ADAM7: variants seen among roughly 807,000 people sequenced by gnomAD.
The protein encoded by ADAM7 is disintegrin and metalloproteinase domain-containing protein 7.
A neutral mutation model predicts 102.9 loss-of-function variants in ADAM7; 97 were observed. The ratio of observed to expected loss-of-function variants is 0.94; its 90% CI spans 0.80 to 1.12. The LOEUF is 1.12. ADAM7 is among the 50% of genes most tolerant of loss of function. The pLI, the probability that ADAM7 is intolerant of heterozygous loss-of-function variation, is 0.00. For missense variants in ADAM7, 991 were observed against 908.7 expected (o/e 1.09, Z -1.16); for synonymous variants, 334 against 304.4 (o/e 1.10, Z -1.01).
chr8:24,500,128 A>G, intron 17 of ADAM7, 50 bp from the exon 18 acceptor site: 1 of 1,520,064 alleles, frequency 6.6e-7, no homozygotes, highest in Non-Finnish European at 9.0e-7. Context: ...GAGTTGCAGA[A>G]CACAACTTAT....
At chr8:24,491,447 T>C (rs1820349641) in intron 13 of ADAM7, among the ~76,000 whole-genome samples, 1 of 152,310 alleles carries the variant, frequency 6.6e-6, no homozygotes, top group African/African-American at 2.4e-5. Context: ...TGAGAGAATA[T>C]CTCTATGCAG....
chr8:24,468,912 A>AG lies in ADAM7; in HGVS notation c.633+93dup, dbSNP rs1819517255. ...ATAGAGAGAAAGGTATTCTAATCAG[A>AG]GTTCTATTCTAGGCTCAAAGTCCTA... On this transcript the variant is annotated intron_variant, in intron 7 of 21. Coordinates refer to ENST00000175238, the MANE Select transcript of ADAM7 (RefSeq NM_003817.4). 3.3e-6 allele frequency: 4 copies of AG among 1,219,090 alleles called. No individual in the cohort carries two copies. The African/African-American group carries it at 4.5e-5, about 14-fold the overall frequency. The allele number at this position is 1,219,090 out of a possible 1,614,324, so 75.5% of individuals were successfully genotyped here.
Position 24,487,311 on chromosome 8 carries a change from A to C in ADAM7, c.1085A>C (p.Asp362Ala). 2 of 1,613,634 alleles carry C rather than the reference A, an allele frequency of 1.2e-6. No homozygotes were observed. Among genetic ancestry groups the C allele is most frequent in the Non-Finnish European group, 1.7e-6 (2 of 1,179,724 alleles). The change falls in exon 11 of 22, where the codon GAT (aspartate) becomes GCT (alanine). Residue 362 changes from aspartate to alanine, a missense_variant. Transcript: ENST00000175238. ...TCAGGAAAATGCGTGATGGACAGTG[A>C]TGGAAGGTGAGATTCGAACAATGTA... Reference protein sequence around the residue: ...CPSGKCVMDSDGSIPALKFSK... With the variant: ...CPSGKCVMDSAGSIPALKFSK...
intron 1 of ADAM7, among the ~76,000 whole-genome samples, chr8:24,442,042 T>C (rs1410718080): frequency 1.3e-5 from 2 of 151,984 alleles, no homozygotes; most frequent in African/African-American, 2.4e-5. Context: ...GGCATGGTGG[T>C]GTGCACTTGT....
At chr8:24,474,525 T>C (rs1169031388) in intron 7 of ADAM7, among the ~76,000 whole-genome samples, 2 of 152,080 alleles carry the variant, frequency 1.3e-5, no homozygotes, top group African/African-American at 4.8e-5. Context: ...CCATTTTCAT[T>C]AGACAAATAG....
chr8:24,493,467 A>G (rs1243907514), intron 16 of ADAM7, among the ~76,000 whole-genome samples: 3 of 130,634 alleles, frequency 2.3e-5, no homozygotes, highest in African/African-American at 6.6e-5. Context: ...AGTAAAACTT[A>G]CAGCAGATAT....
chr8:24,507,409 G>A, intron 20 of ADAM7, 71 bp from the exon 21 acceptor site: 1 of 1,246,372 alleles, frequency 8.0e-7, no homozygotes, highest in Non-Finnish European at 1.2e-6. Context: ...GCACATGCAT[G>A]TCTGTGTGTG....
chr8:24,501,627 G>A lies in ADAM7; in HGVS notation c.2208+51G>A, dbSNP rs754663037. On this transcript the variant is annotated intron_variant, in intron 20 of 21. Transcript: ENST00000175238. ...TAATTTATTGATTTTTTTTTTTTAA[G>A]TAGCTGAATGTGTTTAAAGTAGAAC... is the stretch of plus-strand genomic sequence containing the variant. 31 of 1,289,542 alleles carry A rather than the reference G, an allele frequency of 2.4e-5. No homozygotes were observed. The Admixed American group carries it at 3.7e-4, about 15-fold the overall frequency. The allele number at this position is 1,289,542 out of a possible 1,614,324, so 79.9% of individuals were successfully genotyped here.
In ADAM7 at chr8:24,488,043, C is replaced by G. The variant is rs557867671; in HGVS notation, c.1091+726C>G. 2.0e-5 allele frequency among the ~76,000 whole-genome samples: 3 copies of G among 152,300 alleles called. No individual in the cohort carries two copies. The South Asian group carries it at 6.2e-4, about 32-fold the overall frequency. Reference sequence around the variant, plus strand: ...ACCTGATCTAGATCATACATACATCCTGGCATTTCAACTCCCACTCCATTT... The same window carrying G: ...ACCTGATCTAGATCATACATACATCGTGGCATTTCAACTCCCACTCCATTT... On this transcript the variant is annotated intron_variant, in intron 11 of 21. Transcript: ENST00000175238.
intron 20 of ADAM7, among the ~76,000 whole-genome samples, chr8:24,505,286 T>C (rs1820912186): frequency 6.6e-6 from 1 of 152,146 alleles, no homozygotes; most frequent in Non-Finnish European, 1.5e-5. Flanking sequence ...ATATTTGTTA[T>C]GATTATAGAT....
chr8:24,494,001 A>G (rs1222577019), intron 16 of ADAM7, among the ~76,000 whole-genome samples: 1 of 152,106 alleles, frequency 6.6e-6, no homozygotes, highest in African/African-American at 2.4e-5. Flanking sequence ...TAGAATGCAT[A>G]CTCTAAACAA....
At chr8:24,456,541 C>A (rs1819040860) in intron 3 of ADAM7, among the ~76,000 whole-genome samples, 1 of 151,982 alleles carries the variant, frequency 6.6e-6, no homozygotes, top group Admixed American at 6.6e-5. Flanking sequence ...ATGCACATAT[C>A]TATAAAACTC....
intron 3 of ADAM7, among the ~76,000 whole-genome samples, chr8:24,455,986 G>C (rs1819018085): frequency 2.0e-5 from 3 of 150,678 alleles, no homozygotes; most frequent in Admixed American, 2.0e-4. Context: ...GCAAACACTT[G>C]AAATTTACTC....
At chr8:24,464,677 T>G (rs1186563044) in intron 4 of ADAM7, among the ~76,000 whole-genome samples, 2 of 152,252 alleles carry the variant, frequency 1.3e-5, no homozygotes, top group Non-Finnish European at 1.5e-5. Context: ...CTCAGCTCAC[T>G]GCAACCTCCG....
intron 19 of ADAM7, 128 bp downstream of exon 19, chr8:24,501,023 A>G (rs759105891): frequency 9.8e-6 from 7 of 710,716 alleles, no homozygotes; most frequent in African/African-American, 1.8e-5. Context: ...TAAGAATAGT[A>G]GTAACTCAAG....
At chr8:24,492,452 G>C (rs760955382) in intron 14 of ADAM7, 43 bp from the exon 15 acceptor site, 2 of 1,361,164 alleles carry the variant, frequency 1.5e-6, no homozygotes, top group Admixed American at 2.0e-5. Context: ...ATTCATGATA[G>C]TCATGCTTTA....
intron 2 of ADAM7, 30 bp from the exon 3 acceptor site, chr8:24,447,156 T>G: frequency 7.4e-7 from 1 of 1,349,554 alleles, no homozygotes; most frequent in Non-Finnish European, 1.0e-6. Context: ...GAGCCCATGT[T>G]GAAGTCACGT....
chr8:24,489,099 C>T, intron 11 of ADAM7, 60 bp from the exon 12 acceptor site: 1 of 1,434,066 alleles, frequency 7.0e-7, no homozygotes, highest in East Asian at 2.4e-5. Context: ...ATGCTCACAG[C>T]CACTGTACCA....
At chr8:24,477,498 CA>C (rs1819804234) in intron 8 of ADAM7, among the ~76,000 whole-genome samples, 1 of 151,366 alleles carries the variant, frequency 6.6e-6, no homozygotes, top group African/African-American at 2.4e-5. Context: ...TTTTGTTGCT[CA>C]AACTGTTTCA....
Sources: allele counts gnomAD v4.1 joint callset (sites outside exome capture counted in the v4.1 genomes callset), GRCh38; gene constraint gnomAD v4.1.1; transcripts MANE v1.5; gene names NCBI Gene and HGNC (gene_info 2026-07-23, HGNC 2026-07-21).